The following RGS9 variants were observed in gnomAD, a reference collection of about 807,000 sequenced individuals.
RGS9 encodes the protein regulator of G protein signaling 9, also known as regulator of G-protein signalling 9.
In RGS9, 78 loss-of-function variants were observed where a neutral mutation model predicts 102.0. The ratio of observed to expected loss-of-function variants is 0.76; its 90% CI spans 0.64 to 0.92. The LOEUF is 0.92. Ranked by LOEUF, RGS9 falls within the 40% of genes least tolerant of loss-of-function variation. RGS9 has a pLI of 0.00. For missense variants in RGS9, 833 were observed against 866.1 expected, an observed-to-expected ratio of 0.96 and a Z score of 0.48; for synonymous variants, 353 against 318.6, an observed-to-expected ratio of 1.11 and a Z score of -1.15.
chr17:65,153,396 C>T lies in RGS9; in HGVS notation c.58-26C>T, dbSNP rs549979417. 132 of 1,592,810 alleles carry T rather than the reference C, an allele frequency of 8.3e-5. 1 individual carries two copies. The highest frequency in any genetic ancestry group is 7.8e-4 in the South Asian group (71 of 90,652). On this transcript the variant is annotated intron_variant, in intron 1 of 18. Coordinates refer to ENST00000262406, the MANE Select transcript of RGS9 (RefSeq NM_003835.4). ...AACTTTCAAAATTGTTCTCGTCAGT[C>T]GGCTTTTTCCTGTTCTGTCTTGCAG...
chr17:65,214,698 G>A (rs752948278), intron 17 of RGS9, among the ~76,000 whole-genome samples: 16 of 152,194 alleles, frequency 1.1e-4, no homozygotes, highest in Non-Finnish European at 1.6e-4. Context: ...ACACCTGGCT[G>A]GATTTCAGTC....
At chr17:65,175,105 C>G (rs922891584) in intron 8 of RGS9, among the ~76,000 whole-genome samples, 10 of 147,150 alleles carry the variant, frequency 6.8e-5, no homozygotes, top group Non-Finnish European at 1.3e-4. Flanking sequence ...GTGTGTGTGT[C>G]AGGACATGTG....
chr17:65,160,805 G>A (rs545539259), intron 5 of RGS9, 46 bp from the exon 6 acceptor site: 3 of 1,592,722 alleles, frequency 1.9e-6, no homozygotes, highest in Non-Finnish European at 2.6e-6. Flanking sequence ...CTGCAGATGG[G>A]GTTTTGAAAG....
intron 8 of RGS9, 57 bp from the exon 9 acceptor site, chr17:65,177,675 A>G (rs1354721475): frequency 6.6e-7 from 1 of 1,517,398 alleles, no homozygotes; most frequent in African/African-American, 1.4e-5. Flanking sequence ...ACCCACAGTT[A>G]ACCAGAAACT....
chr17:65,155,910 A>G (rs550236175), intron 2 of RGS9, among the ~76,000 whole-genome samples: 1 of 152,338 alleles, frequency 6.6e-6, no homozygotes, highest in South Asian at 2.1e-4. Context: ...ACATGGGGTT[A>G]TGGAGACCAA....
intron 17 of RGS9, among the ~76,000 whole-genome samples, chr17:65,211,970 C>A (rs1019185582): frequency 4.6e-5 from 7 of 152,144 alleles, no homozygotes; most frequent in Non-Finnish European, 8.8e-5. Flanking sequence ...TTGGCTGGGT[C>A]CACTCATCTG....
At position 65,193,596 on chromosome 17, in the gene RGS9, G is replaced by A. The variant is rs1218377055; in HGVS notation, c.800G>A (p.Cys267Tyr). The change falls in exon 12 of 19, where the codon TGC (cysteine) becomes TAC (tyrosine). Residue 267 changes from cysteine (C) to tyrosine (Y), a missense_variant. By Grantham distance (194) the Cys-to-Tyr change is radical. Coordinates refer to ENST00000262406, the MANE Select transcript of RGS9 (RefSeq NM_003835.4). ...TCCAACGATGCCATCATGTCAGGCT[G>A]CCTCCCCAGCAACCCCTGGATCACC... ...FSSNDAIMSG[C>Y]LPSNPWITDD... 6.2e-7 allele frequency: 1 copy of A among 1,613,986 alleles called. No homozygotes were observed. The highest frequency in any genetic ancestry group is 1.7e-5 in the Admixed American group (1 of 60,016).
chr17:65,212,289 G>A (rs941088219), intron 17 of RGS9, among the ~76,000 whole-genome samples: 4 of 152,122 alleles, frequency 2.6e-5, no homozygotes, highest in Admixed American at 6.5e-5. Flanking sequence ...CAAAAGACAG[G>A]GAAAGTTGAA....
chr17:65,214,548 GA>G (rs1295978986), intron 17 of RGS9, among the ~76,000 whole-genome samples: 8 of 152,254 alleles, frequency 5.3e-5, no homozygotes, highest in Non-Finnish European at 1.0e-4. Flanking sequence ...TGTCTCAAAG[GA>G]GAGTAGGGTG....
intron 1 of RGS9, 35 bp from the exon 2 acceptor site, chr17:65,153,387 C>T (rs888718536): frequency 2.5e-6 from 4 of 1,571,988 alleles, no homozygotes; most frequent in Non-Finnish European, 3.5e-6. Flanking sequence ...CAAAATTGTT[C>T]TCGTCAGTCG....
At chr17:65,215,125 G>C (rs1157013778) in intron 17 of RGS9, among the ~76,000 whole-genome samples, 1 of 152,192 alleles carries the variant, frequency 6.6e-6, no homozygotes, top group Non-Finnish European at 1.5e-5. Context: ...TGGAAATCAG[G>C]AGCTGAGGAG....
chr17:65,175,203 G>A (rs550005035), intron 8 of RGS9, among the ~76,000 whole-genome samples: 1 of 152,158 alleles, frequency 6.6e-6, no homozygotes, highest in South Asian at 2.1e-4. Flanking sequence ...GTGTGAGTGT[G>A]CCAGTGTGTC....
intron 9 of RGS9, among the ~76,000 whole-genome samples, chr17:65,183,091 TCTATCTATCTATCTATCTAC>T (rs1000057797): frequency 6.6e-6 from 1 of 151,078 alleles, no homozygotes; most frequent in East Asian, 2.0e-4. Flanking sequence ...TATCTATCTA[TCTATCTATCTATCTATCTAC>T]CTACCTACCT....
Position 65,190,221 on chromosome 17 carries a change from C to G in RGS9, c.731C>G (p.Ser244Cys). The G allele has an allele frequency of 6.2e-7, 1 of 1,613,456 alleles. No homozygotes were observed. The highest frequency in any genetic ancestry group is 8.5e-7 in the Non-Finnish European group (1 of 1,179,368). Residue 244 changes from serine (S) to cysteine (C), a missense_variant, in exon 11 of 19, where the codon TCT becomes TGT. Coordinates refer to ENST00000262406, the MANE Select transcript of RGS9 (RefSeq NM_003835.4). ...QALMRSTVKS[S>C]VSLGGIVKYS... is the part of the protein sequence containing the mutation. The stretch of plus-strand genomic sequence containing the variant: ...TTGATGAGGTCCACAGTGAAGTCTT[C>G]TGTGTCCCTGGGAGGGTATGTCCCT...
chr17:65,216,383 T>C (rs1242702894), intron 17 of RGS9, among the ~76,000 whole-genome samples: 1 of 152,152 alleles, frequency 6.6e-6, no homozygotes, highest in African/African-American at 2.4e-5. Flanking sequence ...CTCACGCCTG[T>C]AATCCCAGCA....
chr17:65,180,581 C>G (rs1370819981), intron 9 of RGS9, among the ~76,000 whole-genome samples: 1 of 152,170 alleles, frequency 6.6e-6, no homozygotes, highest in Non-Finnish European at 1.5e-5. Context: ...AACTCCTGAC[C>G]TCAGGTGATC....
intron 17 of RGS9, among the ~76,000 whole-genome samples, chr17:65,223,550 C>T (rs909882488): frequency 1.3e-5 from 2 of 152,234 alleles, no homozygotes; most frequent in Admixed American, 6.5e-5. Flanking sequence ...CCAGGCCACC[C>T]TCTGCAGGAG....
intron 16 of RGS9, among the ~76,000 whole-genome samples, chr17:65,208,862 A>AC (rs1156925519): frequency 1.3e-5 from 2 of 151,756 alleles, no homozygotes; most frequent in Non-Finnish European, 2.9e-5. Context: ...AACAACAACA[A>AC]AAAAAACCAA....
rs762905009 is a variant in RGS9, at chr17:65,204,199, C to T, written c.1101C>T (p.Asn367=). 1 of 1,613,096 alleles carries T rather than the reference C, an allele frequency of 6.2e-7. No individual in the cohort carries two copies. The highest frequency in any genetic ancestry group is 1.7e-5 in the Admixed American group (1 of 60,018). ...FLAPGARRWI[N]IDGKTMDITV... Reference sequence around the variant, plus strand: ...CCCCGGGGGCGAGGCGCTGGATCAACATAGATGGCAAAACCATGGACATCA... The same window carrying T: ...CCCCGGGGGCGAGGCGCTGGATCAATATAGATGGCAAAACCATGGACATCA... The change falls in exon 15 of 19, where the codon AAC becomes AAT. Residue 367 remains asparagine, a synonymous_variant. Transcript: ENST00000262406.
Sources: allele counts gnomAD v4.1 joint callset (sites outside exome capture counted in the v4.1 genomes callset), GRCh38; gene constraint gnomAD v4.1.1; transcripts MANE v1.5; gene names NCBI Gene and HGNC (gene_info 2026-07-23, HGNC 2026-07-21).